PACRG: variants seen among roughly 807,000 people sequenced by gnomAD.
PACRG encodes the protein parkin coregulated gene protein.
In PACRG, 29 loss-of-function variants were observed where a neutral mutation model predicts 29.7. That is an observed-to-expected ratio of 0.98 (90% CI 0.73 to 1.33). The LOEUF (loss-of-function observed/expected upper bound fraction) is 1.33, where lower values mean the gene tolerates loss of function less well. Ranked by LOEUF, PACRG falls within the 40% of genes most tolerant of loss-of-function variation. PACRG has a pLI of 0.00. For missense variants in PACRG, 279 were observed against 316.2 expected (o/e 0.88, Z 0.89); for synonymous variants, 116 against 118.7 (o/e 0.98, Z 0.15).
chr6:162,937,639 G>C (rs565694029), intron 2 of PACRG, among the ~76,000 whole-genome samples: 1 of 152,202 alleles, frequency 6.6e-6, no homozygotes, highest in South Asian at 2.1e-4. Flanking sequence ...TGTAAGTATG[G>C]TCGTATTTGC....
At chr6:162,992,644 A>G (rs1282745428) in intron 2 of PACRG, among the ~76,000 whole-genome samples, 1 of 113,240 alleles carries the variant, frequency 8.8e-6, no homozygotes, top group African/African-American at 3.5e-5. Context: ...TTTCTTTATT[A>G]GTCTTGCTAG....
intron 2 of PACRG, among the ~76,000 whole-genome samples, chr6:162,922,697 T>G (rs1481145351): frequency 1.3e-5 from 2 of 152,138 alleles, no homozygotes; most frequent in Non-Finnish European, 2.9e-5. Context: ...CTTATTTCCC[T>G]TAGCATAATG....
At chr6:163,173,503 T>A (rs188086573) in intron 4 of PACRG, among the ~76,000 whole-genome samples, 2,181 of 152,224 alleles carry the variant, frequency 0.014, 54 homozygotes, top group African/African-American at 0.05. Flanking sequence ...AGCATGAATG[T>A]CCCCCTTAGA....
chr6:162,957,345 ACCACAGG>A (rs1337917135), intron 2 of PACRG: 3 of 612,352 alleles, frequency 4.9e-6, no homozygotes, highest in African/African-American at 1.8e-5. Flanking sequence ...TCATGGAACC[ACCACAGG>A]CCCTGCTGAC....
intron 4 of PACRG, among the ~76,000 whole-genome samples, chr6:163,176,107 T>A (rs983017970): frequency 1.3e-5 from 2 of 152,188 alleles, no homozygotes; most frequent in Non-Finnish European, 2.9e-5. Flanking sequence ...TTTCTCCGTC[T>A]TACCTGCCCC....
chr6:163,132,091 C>G (rs751091255), intron 4 of PACRG, among the ~76,000 whole-genome samples: 1 of 152,124 alleles, frequency 6.6e-6, no homozygotes, highest in Non-Finnish European at 1.5e-5. Flanking sequence ...ATAATACTAG[C>G]TTACTATATA....
chr6:162,821,007 G>A (rs1787799236), intron 2 of PACRG, among the ~76,000 whole-genome samples: 1 of 151,904 alleles, frequency 6.6e-6, no homozygotes, highest in Admixed American at 6.6e-5. Context: ...TATTCTTAAT[G>A]CCATTCTTTT....
intron 2 of PACRG, among the ~76,000 whole-genome samples, chr6:162,977,068 C>G (rs1802021202): frequency 6.6e-6 from 1 of 151,644 alleles, no homozygotes; most frequent in Non-Finnish European, 1.5e-5. Flanking sequence ...TAAGTAAGAA[C>G]AAATATAATG....
At chr6:163,207,023 G>A (rs772964642) in intron 4 of PACRG, among the ~76,000 whole-genome samples, 32 of 151,964 alleles carry the variant, frequency 2.1e-4, no homozygotes, top group African/African-American at 2.9e-4. Flanking sequence ...GGGACATTTC[G>A]CTAGGATTTT....
intron 4 of PACRG, among the ~76,000 whole-genome samples, chr6:163,129,491 G>C (rs1029634660): frequency 6.6e-6 from 1 of 152,120 alleles, no homozygotes; most frequent in African/African-American, 2.4e-5. Context: ...GTCAAGAGTC[G>C]TTCTATTACT....
At chr6:162,913,618 C>A (rs916459577) in intron 2 of PACRG, among the ~76,000 whole-genome samples, 2 of 152,070 alleles carry the variant, frequency 1.3e-5, no homozygotes, top group Non-Finnish European at 2.9e-5. Flanking sequence ...ATTTATTTAC[C>A]TTTCTAAGAC....
intron 2 of PACRG, among the ~76,000 whole-genome samples, chr6:163,035,812 C>CA (rs1156795173): frequency 0.43 from 27,580 of 63,934 alleles, 5,959 homozygotes; most frequent in East Asian, 0.86. Flanking sequence ...GACTCTGTCT[C>CA]AAAAAAAAAA....
chr6:162,882,457 A>G (rs564008534), intron 2 of PACRG, among the ~76,000 whole-genome samples: 77 of 152,218 alleles, frequency 5.1e-4, no homozygotes, highest in African/African-American at 1.8e-3. Context: ...TACCAAGACT[A>G]TAGATGGATG....
intron 4 of PACRG, among the ~76,000 whole-genome samples, chr6:163,268,200 A>T (rs1783603617): frequency 6.6e-6 from 1 of 152,096 alleles, no homozygotes; most frequent in Admixed American, 6.6e-5. Flanking sequence ...GGGGATTGAG[A>T]CCATCCTGGC....
chr6:163,191,954 G>T, intron 4 of PACRG: 1 of 340,128 alleles, frequency 2.9e-6, no homozygotes, highest in Non-Finnish European at 5.9e-6. Flanking sequence ...ACTGACCAGC[G>T]GTGCTATCTA....
intron 4 of PACRG, among the ~76,000 whole-genome samples, chr6:163,105,807 T>C (rs373921052): frequency 5.9e-5 from 9 of 152,280 alleles, no homozygotes; most frequent in Non-Finnish European, 1.5e-5. Flanking sequence ...CCCTTAAACA[T>C]TGATGCATTC....
chr6:163,257,478 G>A (rs937166938), intron 4 of PACRG, among the ~76,000 whole-genome samples: 23 of 152,170 alleles, frequency 1.5e-4, no homozygotes, highest in Non-Finnish European at 3.1e-4. Flanking sequence ...TATTCAGAAG[G>A]TGGATTCTGA....
At chr6:162,850,357 A>C (rs1790756155) in intron 2 of PACRG, among the ~76,000 whole-genome samples, 1 of 152,240 alleles carries the variant, frequency 6.6e-6, no homozygotes, top group Non-Finnish European at 1.5e-5. Flanking sequence ...GGGCTCCTAA[A>C]ATCCTTAGAA....
intron 4 of PACRG, among the ~76,000 whole-genome samples, chr6:163,168,568 A>AACAACAACG (rs1361695424): frequency 5.3e-5 from 8 of 151,964 alleles, no homozygotes; most frequent in Non-Finnish European, 1.0e-4. Flanking sequence ...AAACAACAAC[A>AACAACAACG]AGAACTCTGA....
Sources: allele counts gnomAD v4.1 joint callset (sites outside exome capture counted in the v4.1 genomes callset), GRCh38; gene constraint gnomAD v4.1.1; transcripts MANE v1.5; gene names NCBI Gene and HGNC (gene_info 2026-07-23, HGNC 2026-07-21).